WDR72: variants seen among roughly 807,000 people sequenced by gnomAD.
WDR72 encodes WD repeat-containing protein 72.
A neutral mutation model predicts 124.2 loss-of-function variants in WDR72; 120 were observed. The ratio of observed to expected loss-of-function variants is 0.97; its 90% confidence interval spans 0.83 to 1.12. WDR72 has a LOEUF of 1.12. Ranked by LOEUF, WDR72 falls within the 50% of genes most tolerant of loss-of-function variation. WDR72 has a pLI of 0.00. For missense variants in WDR72, 1,387 were observed against 1,278.8 expected (o/e 1.08, Z -1.29); for synonymous variants, 452 against 441.7 (o/e 1.02, Z -0.29).
intron 17 of WDR72, among the ~76,000 whole-genome samples, chr15:53,607,689 G>A (rs1239596732): frequency 6.6e-6 from 1 of 152,018 alleles, no homozygotes; most frequent in Non-Finnish European, 1.5e-5. Context: ...CTTCTGCATA[G>A]CAAAGGAAAC....
intron 19 of WDR72, among the ~76,000 whole-genome samples, chr15:53,520,858 C>A (rs1891754214): frequency 1.3e-5 from 2 of 152,046 alleles, no homozygotes. Flanking sequence ...CCTCCATGTT[C>A]AATTTTAAGA....
intron 17 of WDR72, among the ~76,000 whole-genome samples, chr15:53,604,427 G>A (rs1189331999): frequency 6.6e-6 from 1 of 152,004 alleles, no homozygotes; most frequent in Non-Finnish European, 1.5e-5. Flanking sequence ...ATAGGCAAAG[G>A]TTTAATGGCA....
chr15:53,694,112 T>C (rs930356655), intron 13 of WDR72, among the ~76,000 whole-genome samples: 3 of 152,170 alleles, frequency 2.0e-5, no homozygotes, highest in Admixed American at 6.5e-5. Context: ...ACAATACTTT[T>C]AAATATTCCT....
rs551234140 is a variant in WDR72, at chr15:53,731,831, A to C, written c.153+1166T>G. ...CCATACCACACAACTTACAGCATGC[A>C]CTCAACAAATGTATGCTAAACAAAA... is the stretch of plus-strand genomic sequence containing the variant. On this transcript the variant is annotated intron_variant, in intron 2 of 19. Coordinates refer to ENST00000360509, the MANE Select transcript of WDR72 (RefSeq NM_182758.4). 3.3e-5 allele frequency among the ~76,000 whole-genome samples: 5 copies of C among 152,258 alleles called. No homozygotes were observed. In the South Asian group the frequency reaches 8.3e-4, roughly 25 times the overall value.
At chr15:53,734,782 A>C (rs2018301529) in intron 1 of WDR72, among the ~76,000 whole-genome samples, 2 of 143,638 alleles carry the variant, frequency 1.4e-5, no homozygotes, top group Admixed American at 1.5e-4. Context: ...AAATCTGTCA[A>C]GCCTGAAGTA....
At chr15:53,656,126 C>T (rs944913360) in intron 14 of WDR72, among the ~76,000 whole-genome samples, 1 of 152,224 alleles carries the variant, frequency 6.6e-6, no homozygotes, top group African/African-American at 2.4e-5. Flanking sequence ...CCCTGCTGCT[C>T]ACAGCAGCTT....
rs377149570 is a variant in WDR72 at position 53,541,659 on chromosome 15, C to A, written c.3149-18337G>T. Among the ~76,000 whole-genome samples, 9 of 149,364 alleles carry A rather than the reference C, an allele frequency of 6.0e-5. No individual in the cohort carries two copies. In the South Asian group the frequency reaches 1.7e-3, roughly 29 times the overall value. On this transcript the variant is annotated intron_variant, in intron 18 of 19. Coordinates refer to ENST00000360509, the MANE Select transcript of WDR72 (RefSeq NM_182758.4). ...CTGGATGGAGAATGACTTTGACGAG[C>A]TGAGAGAAGAAGGCTTCAGATGATC...
intron 10 of WDR72, among the ~76,000 whole-genome samples, chr15:53,705,680 C>G (rs989068612): frequency 6.6e-6 from 1 of 152,100 alleles, no homozygotes; most frequent in African/African-American, 2.4e-5. Context: ...CCAGGCTGGT[C>G]TCGAAGTCCT....
At chr15:53,630,760 T>C (rs1351305839) in intron 14 of WDR72, among the ~76,000 whole-genome samples, 3 of 152,184 alleles carry the variant, frequency 2.0e-5, no homozygotes, top group Admixed American at 6.5e-5. Context: ...ATAATACTTA[T>C]GGTGAAAAAC....
intron 13 of WDR72, among the ~76,000 whole-genome samples, chr15:53,677,370 A>T (rs562333586): frequency 5.1e-4 from 77 of 152,334 alleles, no homozygotes; most frequent in African/African-American, 1.8e-3. Flanking sequence ...ATATTCTCTA[A>T]ATAGCTGGTG....
rs2017674137 is a variant in WDR72 at position 53,715,373 on chromosome 15, T to C, written c.340-6A>G. 2 of 1,614,020 alleles carry C rather than the reference T, an allele frequency of 1.2e-6. No homozygotes were observed. Among genetic ancestry groups the C allele is most frequent in the Non-Finnish European group, 8.5e-7 (1 of 1,179,940 alleles). On this transcript the variant is annotated splice_polypyrimidine_tract_variant and splice_region_variant and intron_variant, in intron 4 of 19. Coordinates refer to ENST00000360509, the MANE Select transcript of WDR72 (RefSeq NM_182758.4). ...CGGAATGAGCAGTGGTAATACTACG[T>C]ACATGGAAAGCAAAGCAAACATTTA...
chr15:53,754,202 A>G (rs1436222892), intron 1 of WDR72, among the ~76,000 whole-genome samples: 1 of 152,160 alleles, frequency 6.6e-6, no homozygotes, highest in Non-Finnish European at 1.5e-5. Flanking sequence ...ATGTATGTGG[A>G]AGTGTATGCA....
intron 13 of WDR72, among the ~76,000 whole-genome samples, chr15:53,668,115 A>C (rs928912640): frequency 7.9e-5 from 12 of 152,236 alleles, no homozygotes; most frequent in Non-Finnish European, 1.8e-4. Context: ...GATAAGCTGC[A>C]ATATTTAAAG....
intron 14 of WDR72, chr15:53,652,204 G>C (rs2140429218): frequency 6.6e-6 from 1 of 152,216 alleles, no homozygotes; most frequent in East Asian, 1.9e-4. Context: ...TAGTGTACGA[G>C]AAATTATGGA....
intron 13 of WDR72, among the ~76,000 whole-genome samples, chr15:53,676,675 G>A (rs1567020485): frequency 6.6e-6 from 1 of 152,120 alleles, no homozygotes; most frequent in African/African-American, 2.4e-5. Context: ...AGCCCAGTTG[G>A]CTGACATATT....
At chr15:53,646,404 G>T (rs1303553457) in intron 14 of WDR72, among the ~76,000 whole-genome samples, 1 of 152,056 alleles carries the variant, frequency 6.6e-6, no homozygotes, top group East Asian at 1.9e-4. Context: ...GCAGGTAAGT[G>T]AGAAATAATA....
chr15:53,704,180 G>C (rs931510758), intron 11 of WDR72, among the ~76,000 whole-genome samples: 2 of 152,060 alleles, frequency 1.3e-5, no homozygotes, highest in African/African-American at 2.4e-5. Context: ...GTCCATAGTA[G>C]CTAAAAACTA....
chr15:53,663,666 C>G (rs879890887), intron 14 of WDR72, among the ~76,000 whole-genome samples: 33 of 152,168 alleles, frequency 2.2e-4, no homozygotes, highest in Non-Finnish European at 3.8e-4. Context: ...AGACATTCCC[C>G]CGGTTCTCAG....
chr15:53,709,535 T>C (rs545908862), intron 9 of WDR72, among the ~76,000 whole-genome samples: 39 of 152,322 alleles, frequency 2.6e-4, no homozygotes, highest in Non-Finnish European at 4.0e-4. Flanking sequence ...CAACTGATCA[T>C]TGGCTTTCAG....
Sources: allele counts gnomAD v4.1 joint callset (sites outside exome capture counted in the v4.1 genomes callset), GRCh38; gene constraint gnomAD v4.1.1; transcripts MANE v1.5; gene names NCBI Gene and HGNC (gene_info 2026-07-23, HGNC 2026-07-21).